CMC1: variants seen among roughly 807,000 people sequenced by gnomAD.
The protein encoded by CMC1 is C-X9-C motif containing 1, also known as COX assembly mitochondrial protein homolog.
In CMC1, 14 loss-of-function variants were observed where a neutral mutation model predicts 14.1. The observed-to-expected ratio is 0.99, with a 90% CI of 0.66 to 1.55. CMC1 has a LOEUF of 1.55. Ranked by LOEUF, CMC1 falls within the 40% of genes most tolerant of loss-of-function variation. The probability of loss-of-function intolerance (pLI) is 0.00; values close to 1 mark genes in which losing one functional copy is unlikely to be tolerated. For synonymous variants in CMC1, 50 were observed against 38.4 expected, an observed-to-expected ratio of 1.30 and a Z score of -1.12; for missense variants, 127 against 123.8, an observed-to-expected ratio of 1.03 and a Z score of -0.12.
chr3:28,313,046 G>A (rs901036119), intron 2 of CMC1, among the ~76,000 whole-genome samples: 15 of 151,920 alleles, frequency 9.9e-5, no homozygotes, highest in African/African-American at 3.1e-4. Flanking sequence ...TAGTAGAGAT[G>A]GGATTTCACC....
intron 2 of CMC1, among the ~76,000 whole-genome samples, chr3:28,294,007 A>G (rs975912129): frequency 2.0e-5 from 3 of 152,224 alleles, no homozygotes; most frequent in Non-Finnish European, 2.9e-5. Context: ...TTCAAATAAA[A>G]GAAGAGAATA....
rs1487921932 is a variant in CMC1, at chr3:28,296,837, G to GA, written c.110-19489dup. Among the ~76,000 whole-genome samples the GA allele has an allele frequency of 3.3e-5, 5 of 151,896 alleles. No homozygotes were observed. In the East Asian group the frequency reaches 5.8e-4, roughly 18 times the overall value. ...ACCAATTGTTTAATAGAGTAATAGG[G>GA]AAAAAAAGTAAGGTTTGTTGTTTTA... On this transcript the variant is annotated intron_variant, in intron 2 of 3. Coordinates refer to ENST00000466830, the MANE Select transcript of CMC1 (RefSeq NM_182523.2).
intron 3 of CMC1, chr3:28,317,970 T>C (rs1412891976): frequency 6.6e-6 from 1 of 151,874 alleles, no homozygotes; most frequent in Admixed American, 6.6e-5. Flanking sequence ...CTAGGAAGGA[T>C]GGCTGTTTCT....
intron 1 of CMC1, among the ~76,000 whole-genome samples, chr3:28,250,907 AT>A (rs1699096887): frequency 6.6e-6 from 1 of 152,150 alleles, no homozygotes; most frequent in Non-Finnish European, 1.5e-5. Context: ...CTCCTTTAAG[AT>A]TTCCCTTTGG....
At chr3:28,261,803 C>G (rs1699750598) in intron 1 of CMC1, among the ~76,000 whole-genome samples, 1 of 152,114 alleles carries the variant, frequency 6.6e-6, no homozygotes, top group Non-Finnish European at 1.5e-5. Context: ...ACCATGGGCC[C>G]CTCAGAACCC....
intron 2 of CMC1, among the ~76,000 whole-genome samples, chr3:28,266,697 T>C (rs935205820): frequency 6.6e-6 from 1 of 152,104 alleles, no homozygotes; most frequent in African/African-American, 2.4e-5. Flanking sequence ...TTTTGAACTT[T>C]GATTTGATTA....
At chr3:28,242,410 T>G (rs974958975) in intron 1 of CMC1, among the ~76,000 whole-genome samples, 1 of 152,196 alleles carries the variant, frequency 6.6e-6, no homozygotes, top group African/African-American at 2.4e-5. Context: ...ATCTTTGCGT[T>G]AGGCTATTTT....
At position 28,320,362 on chromosome 3, in the gene CMC1, A is replaced by G. The variant is rs1219506356; in HGVS notation, c.*733A>G. The G allele has an allele frequency of 6.6e-6, 1 of 151,570 alleles. No individual in the cohort carries two copies. Among genetic ancestry groups the G allele is most frequent in the Non-Finnish European group, 1.5e-5 (1 of 67,678 alleles). 9.4% of individuals were successfully genotyped at this position (151,570 alleles called of 1,614,324 possible). A position where few individuals can be genotyped will look rare whatever the true frequency, so the allele number is the denominator to read the frequency against. The stretch of plus-strand genomic sequence containing the variant: ...TGGCAAGGGTTTTCATACTGCATCA[A>G]AACATAATAGGGTGTAAAAAATAGA... On this transcript the variant is annotated 3_prime_UTR_variant, in exon 4 of 4. Coordinates refer to ENST00000466830, the MANE Select transcript of CMC1 (RefSeq NM_182523.2).
Position 28,323,089 on chromosome 3 carries a change from T to TA in CMC1, c.*3462dup, listed in dbSNP as rs1703239799. 1 of 151,162 alleles carries TA rather than the reference T, an allele frequency of 6.6e-6. No homozygotes were observed. Among genetic ancestry groups the TA allele is most frequent in the South Asian group, 2.1e-4 (1 of 4,826 alleles). 9.4% of individuals were successfully genotyped at this position (151,162 alleles called of 1,614,324 possible). A position where few individuals can be genotyped will look rare whatever the true frequency, so the allele number is the denominator to read the frequency against. The stretch of plus-strand genomic sequence containing the variant: ...CCCTGATTTCTATGATTAAAAATAA[T>TA]AATTTTAAATCACTTTCTCAATAAA... On this transcript the variant is annotated 3_prime_UTR_variant, in exon 4 of 4. Transcript: ENST00000466830.
intron 2 of CMC1, among the ~76,000 whole-genome samples, chr3:28,288,856 A>G (rs1455691127): frequency 2.6e-5 from 4 of 151,564 alleles, no homozygotes; most frequent in Non-Finnish European, 5.9e-5. Context: ...GTGGATAATT[A>G]TGATTGTAAG....
At chr3:28,288,085 C>T (rs529382266) in intron 2 of CMC1, among the ~76,000 whole-genome samples, 5 of 151,976 alleles carry the variant, frequency 3.3e-5, no homozygotes, top group South Asian at 2.1e-4. Context: ...TCATTTCCAT[C>T]GTTACAAAAA....
chr3:28,279,363 T>C (rs1324330712), intron 2 of CMC1, among the ~76,000 whole-genome samples: 1 of 152,114 alleles, frequency 6.6e-6, no homozygotes, highest in Non-Finnish European at 1.5e-5. Flanking sequence ...AAAAAAATTA[T>C]TCAGAAAAAA....
In CMC1 at chr3:28,256,201, G is replaced by GTATATA. The variant is rs370738862; in HGVS notation, c.20-7078_20-7073dup. Among the ~76,000 whole-genome samples the GTATATA allele has an allele frequency of 4.0e-3, 598 of 147,850 alleles. 3 individuals carry two copies. Among genetic ancestry groups the GTATATA allele is most frequent in the African/African-American group, 0.014 (565 of 40,380 alleles). On this transcript the variant is annotated intron_variant, in intron 1 of 3. Coordinates refer to ENST00000466830, the MANE Select transcript of CMC1 (RefSeq NM_182523.2). ...CACACATATGCATATATGTGTGTGTGTATATATATATATATATGTATACGT... is the reference window on the plus strand; with the variant it reads ...CACACATATGCATATATGTGTGTGTGTATATATATATATATATATATATGTATACGT...
intron 2 of CMC1, among the ~76,000 whole-genome samples, chr3:28,269,888 C>G (rs1018411040): frequency 6.6e-6 from 1 of 152,140 alleles, no homozygotes. Context: ...GTATTAAGCC[C>G]AGCATGCATT....
At chr3:28,296,087 T>G (rs1701726349) in intron 2 of CMC1, among the ~76,000 whole-genome samples, 1 of 152,094 alleles carries the variant, frequency 6.6e-6, no homozygotes, top group South Asian at 2.1e-4. Flanking sequence ...CACATACATA[T>G]GAACAGATTG....
intron 1 of CMC1, among the ~76,000 whole-genome samples, chr3:28,244,042 A>G (rs1698675956): frequency 6.6e-6 from 1 of 152,174 alleles, no homozygotes; most frequent in Admixed American, 6.5e-5. Context: ...CGTGGGTCAG[A>G]GTGTGGAGGG....
At chr3:28,310,874 C>T (rs1196985986) in intron 2 of CMC1, among the ~76,000 whole-genome samples, 1 of 152,140 alleles carries the variant, frequency 6.6e-6, no homozygotes, top group African/African-American at 2.4e-5. Context: ...AAGGAGTGTG[C>T]AGCCTAGATC....
intron 1 of CMC1, among the ~76,000 whole-genome samples, chr3:28,256,014 A>G (rs1699385727): frequency 6.6e-6 from 1 of 152,150 alleles, no homozygotes; most frequent in Non-Finnish European, 1.5e-5. Flanking sequence ...AATTGAAACA[A>G]TAGTTACAAT....
At chr3:28,308,712 T>C (rs912573078) in intron 2 of CMC1, among the ~76,000 whole-genome samples, 4 of 152,234 alleles carry the variant, frequency 2.6e-5, no homozygotes, top group South Asian at 2.1e-4. Flanking sequence ...AGGCTGAGCA[T>C]GGTGGCTTAC....
Sources: allele counts gnomAD v4.1 joint callset (sites outside exome capture counted in the v4.1 genomes callset), GRCh38; gene constraint gnomAD v4.1.1; transcripts MANE v1.5; gene names NCBI Gene and HGNC (gene_info 2026-07-23, HGNC 2026-07-21).